The following COG7 variants were observed in gnomAD, a reference collection of about 807,000 sequenced individuals.
COG7 encodes the protein component of oligomeric golgi complex 7.
COG7 carries 49 observed loss-of-function variants against 91.5 expected under a neutral mutation model. That is an observed-to-expected ratio of 0.54 (90% CI 0.43 to 0.68). COG7 has a LOEUF of 0.68. COG7 is among the 30% of genes least tolerant of loss of function. The probability of loss-of-function intolerance (pLI) is 0.00; values close to 1 mark genes in which losing one functional copy is unlikely to be tolerated. For synonymous variants in COG7, 365 were observed against 388.7 expected, an observed-to-expected ratio of 0.94 and a Z score of 0.72; for missense variants, 895 against 961.3, an observed-to-expected ratio of 0.93 and a Z score of 0.91.
intron 15 of COG7, 72 bp downstream of exon 15, chr16:23,393,161 T>C: frequency 9.6e-7 from 1 of 1,045,322 alleles, no homozygotes. Context: ...AAGGATAAGG[T>C]GTCATCTGGA....
At chr16:23,392,175 A>G (rs1963208012) in intron 16 of COG7, 4 of 1,456,828 alleles carry the variant, frequency 2.7e-6, no homozygotes, top group Non-Finnish European at 2.7e-6. Context: ...GAAAACATAG[A>G]TGTCTGAGCT....
chr16:23,442,512 G>A lies in COG7; in HGVS notation c.569C>T (p.Pro190Leu), dbSNP rs771313738. 1 of 1,614,076 alleles carries A rather than the reference G, an allele frequency of 6.2e-7. No individual in the cohort carries two copies. Among genetic ancestry groups the A allele is most frequent in the Non-Finnish European group, 8.5e-7 (1 of 1,180,036 alleles). The change falls in exon 4 of 17, where the codon CCA becomes CTA. Residue 190 changes from proline to leucine, a missense_variant. Pro to Leu is a moderately conservative substitution (Grantham distance 98, BLOSUM62 -3). Transcript: ENST00000307149. ...AGAGGTGAATGCCGCTACAATCTGT[G>A]GACTGGCTAGGGCCTCCAGCCTGTT... ...LKNRLEALAS[P>L]QIVAAFTSQA... is the part of the protein sequence containing the mutation.
rs1963214487 is a variant in COG7, at chr16:23,392,427, A to C, written c.2099T>G (p.Ile700Ser). The C allele has an allele frequency of 6.2e-7, 1 of 1,614,144 alleles. No homozygotes were observed. Among genetic ancestry groups the C allele is most frequent in the African/African-American group, 1.3e-5 (1 of 75,034 alleles). The change falls in exon 16 of 17, where the codon ATC becomes AGC. Residue 700 changes from isoleucine (I) to serine (S), a missense_variant. By Grantham distance (142) the Ile-to-Ser change is moderately radical (BLOSUM62 -2). Coordinates refer to ENST00000307149, the MANE Select transcript of COG7 (RefSeq NM_153603.4). ...GGCAGAGTGTGGGCTCAGCTCAGGG[A>C]TCTGTAGGATCGCATCACAGTAGGT... ...MQTYCDAILQ[I>S]PELSPHSAKQ...
At chr16:23,440,576 A>G (rs1964084692) in intron 4 of COG7, among the ~76,000 whole-genome samples, 3 of 151,756 alleles carry the variant, frequency 2.0e-5, no homozygotes, top group Admixed American at 6.6e-5. Context: ...TTCTGCCCCA[A>G]CCTCCTGAGC....
intron 13 of COG7, among the ~76,000 whole-genome samples, chr16:23,402,433 A>G (rs1464432054): frequency 1.3e-5 from 2 of 152,122 alleles, no homozygotes; most frequent in Non-Finnish European, 2.9e-5. Flanking sequence ...CAAGTAAGTC[A>G]TTCTTCTTAA....
At chr16:23,402,325 A>C (rs1963391388) in intron 13 of COG7, among the ~76,000 whole-genome samples, 1 of 150,266 alleles carries the variant, frequency 6.7e-6, no homozygotes, top group African/African-American at 2.5e-5. Context: ...CAATGGTGGG[A>C]TCTTGGAGGT....
chr16:23,394,139 T>C, intron 14 of COG7, among the ~76,000 whole-genome samples: 1 of 151,874 alleles, frequency 6.6e-6, no homozygotes. Context: ...AAGAAAGGAA[T>C]TCTGTTTGAA....
intron 1 of COG7, among the ~76,000 whole-genome samples, chr16:23,450,963 G>A (rs188444278): frequency 5.3e-4 from 80 of 152,326 alleles, no homozygotes; most frequent in African/African-American, 1.8e-3. Context: ...GGAGGCCGAG[G>A]TGGGTGGATC....
chr16:23,445,363 T>A (rs1964164550), intron 2 of COG7, among the ~76,000 whole-genome samples, 199 bp from the exon 3 acceptor site: 1 of 152,032 alleles, frequency 6.6e-6, no homozygotes, highest in African/African-American at 2.4e-5. Context: ...AAAAGCATAG[T>A]TTCGGGGAGC....
chr16:23,446,512 C>A (rs905489568), intron 1 of COG7: 2 of 144,422 alleles, frequency 1.4e-5, no homozygotes, highest in African/African-American at 5.5e-5. Flanking sequence ...AGTGCAGTGG[C>A]GCAATCTCGG....
chr16:23,394,593 C>T (rs1963254855), intron 14 of COG7, among the ~76,000 whole-genome samples: 1 of 151,988 alleles, frequency 6.6e-6, no homozygotes, highest in Admixed American at 6.6e-5. Flanking sequence ...AGTCAGGAGA[C>T]TATCAAAGCA....
chr16:23,401,410 G>C (rs1327845658), intron 13 of COG7, among the ~76,000 whole-genome samples: 1 of 152,166 alleles, frequency 6.6e-6, no homozygotes, highest in East Asian at 1.9e-4. Flanking sequence ...CATCAATAAT[G>C]AACTCTGGAA....
intron 8 of COG7, among the ~76,000 whole-genome samples, chr16:23,417,479 A>G (rs1381466724): frequency 6.6e-6 from 1 of 152,204 alleles, no homozygotes; most frequent in African/African-American, 2.4e-5. Flanking sequence ...GAATGTAGCA[A>G]AAGGGGGCTG....
chr16:23,421,787 G>C (rs531777882), intron 7 of COG7, among the ~76,000 whole-genome samples: 1 of 149,080 alleles, frequency 6.7e-6, no homozygotes, highest in Non-Finnish European at 1.5e-5. Flanking sequence ...GGAGGTGGAG[G>C]CTTCAGTGAG....
Position 23,433,661 on chromosome 16 carries a change from G to C in COG7, c.694C>G (p.Leu232Val), listed in dbSNP as rs1252556894. 1.2e-6 allele frequency: 2 copies of C among 1,613,900 alleles called. No homozygotes were observed. Among genetic ancestry groups the C allele is most frequent in the African/African-American group, 2.7e-5 (2 of 74,888 alleles). Reference sequence around the variant, plus strand: ...CACAGCTCTTGCCAGGCTGCTAAAAGCTGCACCTGCAGAGACAGAACAAAG... The same window carrying C: ...CACAGCTCTTGCCAGGCTGCTAAAACCTGCACCTGCAGAGACAGAACAAAG... ...AYYYKCHKVQ[L>V]LAAWQELCQS... Residue 232 changes from leucine to valine, a missense_variant, in exon 6 of 17, where the codon CTT becomes GTT. Coordinates refer to ENST00000307149, the MANE Select transcript of COG7 (RefSeq NM_153603.4).
At chr16:23,398,018 C>T in intron 14 of COG7, 28 bp downstream of exon 14, 1 of 1,596,182 alleles carries the variant, frequency 6.3e-7, no homozygotes, top group Non-Finnish European at 8.6e-7. Flanking sequence ...ACTTGGACCA[C>T]CCTGGAGAAG....
chr16:23,391,072 T>C (rs1567325979), intron 16 of COG7, among the ~76,000 whole-genome samples: 1 of 152,252 alleles, frequency 6.6e-6, no homozygotes, highest in Non-Finnish European at 1.5e-5. Context: ...CAGTTTCATA[T>C]ACTAGCCTTA....
chr16:23,388,752 G>A lies in COG7; in HGVS notation c.*168C>T. ...CCTGGCTTCATGATCCATCTGGCTT[G>A]GCCTCCCAAAGTGCTGGGATTACAG... On this transcript the variant is annotated 3_prime_UTR_variant, in exon 17 of 17. Coordinates refer to ENST00000307149, the MANE Select transcript of COG7 (RefSeq NM_153603.4). 2.5e-6 allele frequency: 3 copies of A among 1,221,776 alleles called. No individual in the cohort carries two copies. Among genetic ancestry groups the A allele is most frequent in the Non-Finnish European group, 3.3e-6 (3 of 910,956 alleles). 75.7% of individuals were successfully genotyped at this position (1,221,776 alleles called of 1,614,324 possible). A position where few individuals can be genotyped will look rare whatever the true frequency, so the allele number is the denominator to read the frequency against.
intron 7 of COG7, among the ~76,000 whole-genome samples, chr16:23,419,181 G>A (rs1202406411): frequency 2.0e-5 from 3 of 152,144 alleles, no homozygotes; most frequent in African/African-American, 7.2e-5. Context: ...CGAGGCGGGC[G>A]GATCAACTGA....
Sources: gnomAD v4.1 joint callset for allele counts (sites outside exome capture counted in the v4.1 genomes callset) on GRCh38, gnomAD v4.1.1 for gene constraint, MANE v1.5 for transcripts, NCBI Gene and HGNC (gene_info 2026-07-23, HGNC 2026-07-21) for gene names.